The following FRMPD1 variants were observed in gnomAD, a reference collection of about 807,000 sequenced individuals.
FRMPD1 encodes FERM and PDZ domain-containing protein 1.
FRMPD1 carries 76 observed loss-of-function variants against 117.8 expected under a neutral mutation model. The observed-to-expected ratio is 0.65, with a 90% confidence interval of 0.54 to 0.78. The LOEUF (loss-of-function observed/expected upper bound fraction) is 0.78. Ranked by LOEUF, FRMPD1 falls within the 30% of genes least tolerant of loss-of-function variation. FRMPD1 has a pLI of 0.00. For synonymous variants in FRMPD1, 783 were observed against 770.4 expected (o/e 1.02, Z -0.27); for missense variants, 1,786 against 1,964.5 (o/e 0.91, Z 1.72).
At chr9:37,629,400 G>A in the FRMPD1 span, among the ~76,000 whole-genome samples, 1 of 152,190 alleles carries the variant, frequency 6.6e-6, no homozygotes, top group South Asian at 2.1e-4. Context: ...GGTGCTGGAG[G>A]CCACTCATTC....
rs756993761 is a variant in FRMPD1, at chr9:37,740,535, C to T, written c.2007C>T (p.Cys669=). The T allele has an allele frequency of 1.9e-6, 3 of 1,614,202 alleles. No homozygotes were observed. The South Asian group carries it at 3.3e-5, about 18-fold the overall frequency. ...LDLAQRANPQ[C]QKTEFSESAA... is the part of the protein sequence containing the mutation. ...TGGCCCAGAGAGCCAACCCCCAGTGCCAGAAGACAGAGTTTTCCGAGAGTG... is the reference window on the plus strand; with the variant it reads ...TGGCCCAGAGAGCCAACCCCCAGTGTCAGAAGACAGAGTTTTCCGAGAGTG... Residue 669 remains cysteine, a synonymous_variant, in exon 15 of 16, where the codon TGC becomes TGT. Transcript: ENST00000377765. This position sits in a 1 kb window ranked among gnomAD's most constrained non-coding sequence, Gnocchi z 4.2.
the FRMPD1 span, among the ~76,000 whole-genome samples, chr9:37,604,990 G>T: frequency 1.3e-5 from 2 of 152,230 alleles, no homozygotes; most frequent in African/African-American, 2.4e-5. Flanking sequence ...GAAAAGTCAG[G>T]CATAGAGAGG....
chr9:37,646,839 G>C (rs1054056604), upstream of FRMPD1, among the ~76,000 whole-genome samples: 5 of 152,300 alleles, frequency 3.3e-5, no homozygotes, highest in Admixed American at 3.3e-4. Context: ...GCACTATTAA[G>C]TCAGCTCTCA....
intron 1 of FRMPD1, among the ~76,000 whole-genome samples, chr9:37,688,186 T>C (rs1286798675): frequency 6.6e-6 from 1 of 150,656 alleles, no homozygotes; most frequent in Non-Finnish European, 1.5e-5. Context: ...ATGGGAAACA[T>C]ATATACAAGT....
intron 12 of FRMPD1, among the ~76,000 whole-genome samples, chr9:37,734,604 A>C (rs190909593): frequency 6.6e-6 from 1 of 152,246 alleles, no homozygotes; most frequent in East Asian, 1.9e-4. Context: ...GTTTTAAAAA[A>C]ATATTAACCA....
chr9:37,745,809 A>G lies in FRMPD1; in HGVS notation c.3777A>G (p.Pro1259=). The G allele has an allele frequency of 1.9e-6, 3 of 1,614,048 alleles. No homozygotes were observed. The highest frequency in any genetic ancestry group is 2.5e-6 in the Non-Finnish European group (3 of 1,179,974). Residue 1259 remains proline, a synonymous_variant, in exon 16 of 16, where the codon CCA becomes CCG. Coordinates refer to ENST00000377765, the MANE Select transcript of FRMPD1 (RefSeq NM_014907.3). ...CFNPEPSLPE[P]LPCPQEDPHL... ...ATCCTGAGCCTTCCCTGCCAGAACC[A>G]CTACCATGTCCACAAGAGGATCCTC...
At chr9:37,690,789 A>G (rs1430761311) in intron 1 of FRMPD1, among the ~76,000 whole-genome samples, 1 of 152,162 alleles carries the variant, frequency 6.6e-6, no homozygotes, top group Non-Finnish European at 1.5e-5. Flanking sequence ...ACAATTCTGG[A>G]GGCTGGAAAG....
At chr9:37,724,125 G>A in intron 6 of FRMPD1, 100 bp from the exon 7 acceptor site, 1 of 585,142 alleles carries the variant, frequency 1.7e-6, no homozygotes, top group East Asian at 2.9e-5. Context: ...AGTGAGCCGA[G>A]ATCGTACCAC....
chr9:37,724,094 G>T (rs560943505), intron 6 of FRMPD1, 131 bp from the exon 7 acceptor site: 11 of 469,556 alleles, frequency 2.3e-5, no homozygotes, highest in African/African-American at 5.8e-5. Context: ...AGAGTCGCTT[G>T]AACCTGGGAG....
chr9:37,635,363 G>A, the FRMPD1 span, among the ~76,000 whole-genome samples: 67 of 152,242 alleles, frequency 4.4e-4, no homozygotes, highest in Middle Eastern at 3.4e-3. Flanking sequence ...CCAGAAGTTG[G>A]CATTCAATTT....
chr9:37,746,717 C>T lies in FRMPD1; in HGVS notation c.4685C>T (p.Thr1562Met), dbSNP rs138292555. Residue 1562 changes from threonine (T) to methionine (M), a missense_variant, in exon 16 of 16, where the codon ACG becomes ATG. Thr to Met is a moderately conservative substitution (Grantham distance 81). Transcript: ENST00000377765. Reference sequence around the variant, plus strand: ...CTGGCCCGTCAGTGCACGGCCCTCACGGCCGCCGTGTTCTGTTTGACCCAG... The same window carrying T: ...CTGGCCCGTCAGTGCACGGCCCTCATGGCCGCCGTGTTCTGTTTGACCCAG... ...KLLARQCTAL[T>M]AAVFCLTQKF... 9.5e-4 allele frequency: 1,526 copies of T among 1,614,046 alleles called. 11 individuals carry two copies. The highest frequency in any genetic ancestry group is 4.9e-3 in the South Asian group (450 of 91,088).
chr9:37,655,853 G>A (rs577372265), intron 1 of FRMPD1, among the ~76,000 whole-genome samples: 70 of 152,012 alleles, frequency 4.6e-4, no homozygotes, highest in African/African-American at 1.5e-3. Flanking sequence ...TTGCTCCCCC[G>A]TCTAGCCCCT....
chr9:37,692,710 A>G lies in FRMPD1; in HGVS notation c.69A>G (p.Arg23=), dbSNP rs779165414. 6.2e-7 allele frequency: 1 copy of G among 1,614,004 alleles called. No homozygotes were observed. Among genetic ancestry groups the G allele is most frequent in the Middle Eastern group, 1.6e-4 (1 of 6,062 alleles). The part of the protein sequence containing the change: ...KAHRIEQMVA[R]WLRRSRDSSA... ...ATAGAATAGAACAAATGGTGGCAAG[A>G]TGGCTTCGGCGCTCCCGGGACAGCT... Residue 23 remains arginine (R), a synonymous_variant, in exon 2 of 16, where the codon AGA becomes AGG. Transcript: ENST00000377765.
intron 3 of FRMPD1, 46 bp from the exon 4 acceptor site, chr9:37,708,352 TG>T: frequency 1.7e-6 from 2 of 1,173,112 alleles, no homozygotes; most frequent in Non-Finnish European, 2.6e-6. Context: ...ACATAGAGTC[TG>T]GGTCCTCCCG....
intron 2 of FRMPD1, among the ~76,000 whole-genome samples, chr9:37,699,556 G>A (rs956725887): frequency 6.6e-6 from 1 of 152,084 alleles, no homozygotes; most frequent in African/African-American, 2.4e-5. Flanking sequence ...CTGATCTGAA[G>A]TGATCTGCCC....
rs1161119162 is a variant in FRMPD1 at position 37,687,973 on chromosome 9, A to G, written c.-4-4665A>G. On this transcript the variant is annotated intron_variant, in intron 1 of 15. Coordinates refer to ENST00000377765, the MANE Select transcript of FRMPD1 (RefSeq NM_014907.3). The stretch of plus-strand genomic sequence containing the variant: ...CTATTTTTGTAGAAAAGATGTATTA[A>G]TATACATGATATAGGTCTCTATTAA... 2.6e-5 allele frequency among the ~76,000 whole-genome samples: 4 copies of G among 152,122 alleles called. No homozygotes were observed. The East Asian group carries it at 7.7e-4, about 29-fold the overall frequency.
chr9:37,628,550 A>C, the FRMPD1 span, among the ~76,000 whole-genome samples: 1 of 152,236 alleles, frequency 6.6e-6, no homozygotes, highest in Admixed American at 6.5e-5. Flanking sequence ...TAATAAGCCT[A>C]ATGATCCCAG....
intron 1 of FRMPD1, among the ~76,000 whole-genome samples, chr9:37,678,556 C>A (rs1925964): frequency 3.2e-4 from 49 of 152,140 alleles, no homozygotes; most frequent in African/African-American, 1.2e-3. Context: ...CCACCACACC[C>A]GGCGTACTTA....
chr9:37,737,943 C>A (rs1824211729), intron 14 of FRMPD1, among the ~76,000 whole-genome samples: 1 of 151,880 alleles, frequency 6.6e-6, no homozygotes, highest in Non-Finnish European at 1.5e-5. Flanking sequence ...CTTTTGCAAT[C>A]TCTTGAAGTA....
Sources: gnomAD v4.1 joint callset for allele counts (sites outside exome capture counted in the v4.1 genomes callset) on GRCh38, gnomAD v4.1.1 for gene constraint, Gnocchi (gnomAD v3.1) non-coding constraint, MANE v1.5 for transcripts, NCBI Gene and HGNC (gene_info 2026-07-23, HGNC 2026-07-21) for gene names.